LTBP1: variants seen among roughly 807,000 people sequenced by gnomAD.
The protein encoded by LTBP1 is latent-transforming growth factor beta-binding protein 1.
In LTBP1, 129 loss-of-function variants were observed where a neutral mutation model predicts 207.6. That is an observed-to-expected ratio of 0.62 (90% CI 0.54 to 0.72). LTBP1 has a LOEUF of 0.72. LTBP1 is among the 30% of genes least tolerant of loss of function. The pLI is 0.00. For synonymous variants in LTBP1, 963 were observed against 833.7 expected (o/e 1.16, Z -2.67); for missense variants, 2,281 against 2,217.2 (o/e 1.03, Z -0.58).
intron 12 of LTBP1, among the ~76,000 whole-genome samples, chr2:33,258,845 T>G (rs1573474462): frequency 6.6e-6 from 1 of 152,348 alleles, no homozygotes; most frequent in East Asian, 1.9e-4. Flanking sequence ...ATTGATTGAC[T>G]TATGAGAAAA....
chr2:33,107,591 G>C (rs1054286066), intron 3 of LTBP1, among the ~76,000 whole-genome samples: 1 of 152,180 alleles, frequency 6.6e-6, no homozygotes, highest in African/African-American at 2.4e-5. Context: ...CACCAGTGGA[G>C]GGGCACTTTG....
intron 7 of LTBP1, among the ~76,000 whole-genome samples, chr2:33,205,023 C>G (rs972185781): frequency 6.6e-6 from 1 of 152,188 alleles, no homozygotes; most frequent in Non-Finnish European, 1.5e-5. Context: ...TTTGAGCCCT[C>G]CAAACCTCTA....
At chr2:33,368,800 C>G (rs771232867) in intron 31 of LTBP1, among the ~76,000 whole-genome samples, 139 of 152,174 alleles carry the variant, frequency 9.1e-4, no homozygotes, top group Middle Eastern at 6.8e-3. Context: ...TGGCTTCAGC[C>G]CGGGAGGCAG....
rs765158689 is a variant in LTBP1, at chr2:33,021,198, A to G, written c.855A>G (p.Ile285Met). The G allele has an allele frequency of 3.8e-6, 6 of 1,590,392 alleles. No homozygotes were observed. The highest frequency in any genetic ancestry group is 1.7e-4 in the Middle Eastern group (1 of 6,000). ...PKPSVGLPQQ[I>M]HSQVTPLSSQ... ...CTTCAGTGGGACTCCCCCAGCAGAT[A>G]CATTCTCAGTGAGTGTTTCGAACTT... Residue 285 changes from isoleucine to methionine, a missense_variant, in exon 3 of 34, where the codon ATA (isoleucine) becomes ATG (methionine). Physicochemically the swap from Ile to Met is conservative, Grantham distance 10. Around this residue, in one of 3 missense-constraint regions of LTBP1, gnomAD observed 555 missense variants for 491.0 expected, o/e 1.13. Coordinates refer to ENST00000404816, the MANE Select transcript of LTBP1 (RefSeq NM_206943.4).
rs2079014622 is a variant in LTBP1, at chr2:33,090,458, G to A, written c.864-20124G>A. On this transcript the variant is annotated intron_variant, in intron 3 of 33. Transcript: ENST00000404816. ...AGTGCTATCTCAAGTGTAGTTTCTT[G>A]TGAAAATTGATGACATTTACTGAAT... Among the ~76,000 whole-genome samples, 3 of 152,156 alleles carry A rather than the reference G, an allele frequency of 2.0e-5. No individual in the cohort carries two copies. In the South Asian group the frequency reaches 6.2e-4, roughly 32 times the overall value.
intron 26 of LTBP1, among the ~76,000 whole-genome samples, chr2:33,359,448 C>T (rs2094901461): frequency 6.6e-6 from 1 of 152,112 alleles, no homozygotes; most frequent in Admixed American, 6.5e-5. Context: ...TATTTAATTT[C>T]CTTGCTAATA....
At chr2:33,228,277 T>C (rs1412667389) in intron 9 of LTBP1, among the ~76,000 whole-genome samples, 3 of 152,222 alleles carry the variant, frequency 2.0e-5, no homozygotes, top group Non-Finnish European at 4.4e-5. Flanking sequence ...CTAAATTTAC[T>C]GTGTGCCAGA....
intron 24 of LTBP1, among the ~76,000 whole-genome samples, chr2:33,332,708 C>G (rs2094510721): frequency 6.6e-6 from 1 of 152,072 alleles, no homozygotes; most frequent in African/African-American, 2.4e-5. Context: ...AGGCGCCCAC[C>G]ACCATGCCCA....
At chr2:33,298,258 T>C (rs1244197531) in intron 20 of LTBP1, among the ~76,000 whole-genome samples, 1 of 152,280 alleles carries the variant, frequency 6.6e-6, no homozygotes, top group Non-Finnish European at 1.5e-5. Flanking sequence ...TTGTGCAAGA[T>C]AACTGTGTTG....
At chr2:33,258,381 G>T (rs2092918402) in intron 12 of LTBP1, among the ~76,000 whole-genome samples, 1 of 152,208 alleles carries the variant, frequency 6.6e-6, no homozygotes, top group South Asian at 2.1e-4. Context: ...TTTGGGTGCT[G>T]TTGAGGAGAT....
chr2:33,047,800 G>C (rs571312863), intron 3 of LTBP1, among the ~76,000 whole-genome samples: 80 of 152,270 alleles, frequency 5.3e-4, no homozygotes, highest in African/African-American at 1.8e-3. Flanking sequence ...GGGTGCTCCT[G>C]TATTGGGTGC....
chr2:33,068,452 G>A (rs1010773220), intron 3 of LTBP1, among the ~76,000 whole-genome samples: 9 of 151,940 alleles, frequency 5.9e-5, no homozygotes, highest in African/African-American at 1.5e-4. Context: ...CATCATCATC[G>A]TCCAGAGTCC....
At chr2:33,284,856 CTT>C (rs2093631852) in intron 19 of LTBP1, among the ~76,000 whole-genome samples, 1 of 152,114 alleles carries the variant, frequency 6.6e-6, no homozygotes, top group Non-Finnish European at 1.5e-5. Context: ...TTTAAGCTTT[CTT>C]GCCAGAATGA....
chr2:33,328,355 A>G (rs2094455061), intron 24 of LTBP1, among the ~76,000 whole-genome samples: 1 of 152,100 alleles, frequency 6.6e-6, no homozygotes, highest in African/African-American at 2.4e-5. Context: ...ATTATTGTAG[A>G]TTCGTTCTGC....
At chr2:33,332,976 G>C (rs998502989) in intron 24 of LTBP1, 2 of 152,190 alleles carry the variant, frequency 1.3e-5, no homozygotes, top group African/African-American at 2.4e-5. Context: ...TTAGTACTTG[G>C]ATGGGAGAGA....
chr2:33,101,556 C>T (rs898616262), intron 3 of LTBP1, among the ~76,000 whole-genome samples: 3 of 152,126 alleles, frequency 2.0e-5, no homozygotes, highest in Non-Finnish European at 4.4e-5. Flanking sequence ...CCTTCCTTCC[C>T]ATGATAAGTG....
intron 7 of LTBP1, among the ~76,000 whole-genome samples, chr2:33,205,328 C>T (rs1454218824): frequency 6.6e-6 from 1 of 152,218 alleles, no homozygotes; most frequent in African/African-American, 2.4e-5. Context: ...TGCCTCGTTT[C>T]TCTTCCTCAC....
intron 31 of LTBP1, among the ~76,000 whole-genome samples, 188 bp from the exon 32 acceptor site, chr2:33,388,996 G>A (rs138084018): frequency 1.2e-3 from 187 of 152,230 alleles, no homozygotes; most frequent in African/African-American, 4.1e-3. Context: ...TACAGCAGTC[G>A]TTGTACGTGG....
chr2:33,256,752 A>C (rs1333651417), intron 11 of LTBP1, among the ~76,000 whole-genome samples: 2 of 79,356 alleles, frequency 2.5e-5, no homozygotes, highest in Admixed American at 2.9e-4. Flanking sequence ...ATATATATAT[A>C]TATATATATA....
Sources: allele counts gnomAD v4.1 joint callset (sites outside exome capture counted in the v4.1 genomes callset), GRCh38; gene constraint gnomAD v4.1.1; regional missense constraint gnomAD v4.1.1; transcripts MANE v1.5; gene names NCBI Gene and HGNC (gene_info 2026-07-23, HGNC 2026-07-21).